CDC42BPA: variants seen among roughly 807,000 people sequenced by gnomAD.
The protein encoded by CDC42BPA is CDC42 binding protein kinase alpha, also known as serine/threonine-protein kinase MRCK alpha.
CDC42BPA carries 80 observed loss-of-function variants against 223.5 expected under a neutral mutation model. The observed-to-expected ratio is 0.36, with a 90% CI of 0.30 to 0.43. The LOEUF is 0.43. Ranked by LOEUF, CDC42BPA falls within the 20% of genes least tolerant of loss-of-function variation. CDC42BPA has a pLI of 1.00. For synonymous variants in CDC42BPA, 694 were observed against 718.6 expected (o/e 0.97, Z 0.55); for missense variants, 1,743 against 2,099.9 (o/e 0.83, Z 3.32).
intron 1 of CDC42BPA, among the ~76,000 whole-genome samples, chr1:227,257,732 C>T (rs745753333): frequency 6.7e-6 from 1 of 149,852 alleles, no homozygotes. Context: ...CCAGCCTGGG[C>T]GATTGAGTGA....
chr1:227,053,437 T>G (rs1318365476), intron 21 of CDC42BPA, among the ~76,000 whole-genome samples: 1 of 152,116 alleles, frequency 6.6e-6, no homozygotes, highest in Non-Finnish European at 1.5e-5. Flanking sequence ...TTAGGGGTCT[T>G]GGAGCAGCAA....
intron 1 of CDC42BPA, among the ~76,000 whole-genome samples, chr1:227,292,708 G>A (rs933500899): frequency 1.2e-4 from 18 of 152,084 alleles, no homozygotes; most frequent in Admixed American, 6.6e-4. Context: ...TATTTTAATT[G>A]AATTATTATT....
chr1:227,220,311 T>TATATATATATATATAC (rs1210485137), intron 2 of CDC42BPA, among the ~76,000 whole-genome samples: 16 of 49,526 alleles, frequency 3.2e-4, no homozygotes, highest in East Asian at 6.5e-4. Flanking sequence ...TATATATATA[T>TATATATATATATATAC]ACACACACAC....
At chr1:227,235,545 G>A (rs1426677595) in intron 2 of CDC42BPA, among the ~76,000 whole-genome samples, 1 of 152,108 alleles carries the variant, frequency 6.6e-6, no homozygotes, top group Non-Finnish European at 1.5e-5. Flanking sequence ...CTGAAGAACT[G>A]GACTAAACCA....
At chr1:227,126,074 T>C (rs1689529180) in intron 11 of CDC42BPA, among the ~76,000 whole-genome samples, 1 of 152,008 alleles carries the variant, frequency 6.6e-6, no homozygotes, top group Non-Finnish European at 1.5e-5. Flanking sequence ...CCTAGCAGAC[T>C]GGGATCCTGC....
intron 23 of CDC42BPA, among the ~76,000 whole-genome samples, chr1:227,045,183 T>C (rs1054368187): frequency 1.3e-5 from 2 of 152,228 alleles, no homozygotes; most frequent in Non-Finnish European, 2.9e-5. Context: ...AGCACATGGG[T>C]GATAAAAATT....
At chr1:227,172,648 T>A (rs945133095) in intron 5 of CDC42BPA, among the ~76,000 whole-genome samples, 2 of 151,890 alleles carry the variant, frequency 1.3e-5, no homozygotes, top group Non-Finnish European at 2.9e-5. Flanking sequence ...AGTCCTACCA[T>A]GAGTAGGATA....
Position 227,289,744 on chromosome 1 carries a change from T to C in CDC42BPA, c.178+27261A>G, listed in dbSNP as rs147080252. ...CTGTATCATGGCAAAAAACAACAAA[T>C]CTTAAGGGTACTTATGTTTCGGCGG... is the stretch of plus-strand genomic sequence containing the variant. On this transcript the variant is annotated intron_variant, in intron 1 of 36. Coordinates refer to ENST00000366766, the MANE Select transcript of CDC42BPA (RefSeq NM_001394014.1). Among the ~76,000 whole-genome samples, 759 of 152,212 alleles carry C rather than the reference T, an allele frequency of 5.0e-3. 5 individuals carry two copies. Among genetic ancestry groups the C allele is most frequent in the African/African-American group, 0.017 (709 of 41,528 alleles).
intron 5 of CDC42BPA, among the ~76,000 whole-genome samples, chr1:227,170,663 T>A (rs1235344232): frequency 1.3e-5 from 2 of 152,150 alleles, no homozygotes; most frequent in African/African-American, 4.8e-5. Context: ...GAACTTCATA[T>A]GCATTGAATG....
chr1:227,293,563 G>A (rs890467101), intron 1 of CDC42BPA, among the ~76,000 whole-genome samples: 1 of 150,050 alleles, frequency 6.7e-6, no homozygotes, highest in Admixed American at 6.6e-5. Flanking sequence ...AGTGGCTCAC[G>A]CCTGTAATCC....
chr1:227,004,393 C>T (rs1663574070), intron 35 of CDC42BPA: 1 of 157,566 alleles, frequency 6.3e-6, no homozygotes, highest in Non-Finnish European at 1.4e-5. Flanking sequence ...AGTCCATTCT[C>T]CACTTGGCAG....
chr1:227,107,497 T>C (rs1013378858), intron 14 of CDC42BPA, among the ~76,000 whole-genome samples: 6 of 152,190 alleles, frequency 3.9e-5, no homozygotes, highest in Non-Finnish European at 8.8e-5. Context: ...CATGGCTCAC[T>C]GAAGTCTCGA....
At position 227,292,006 on chromosome 1, in the gene CDC42BPA, G is replaced by A. The variant is rs183234699; in HGVS notation, c.178+24999C>T. On this transcript the variant is annotated intron_variant, in intron 1 of 36. Coordinates refer to ENST00000366766, the MANE Select transcript of CDC42BPA (RefSeq NM_001394014.1). ...CAGATAATTTTTTTTTTTTTCAGAC[G>A]GAGTCTCGCTCTGTTGCCCAGGCTG... Among the ~76,000 whole-genome samples, 14 of 150,678 alleles carry A rather than the reference G, an allele frequency of 9.3e-5. No individual in the cohort carries two copies. The East Asian group carries it at 1.4e-3, about 15-fold the overall frequency.
chr1:227,096,024 T>G (rs1683932305), intron 15 of CDC42BPA, among the ~76,000 whole-genome samples: 1 of 152,232 alleles, frequency 6.6e-6, no homozygotes, highest in African/African-American at 2.4e-5. Context: ...TTTATATGAT[T>G]GCTTTCTGGT....
chr1:227,151,320 C>T (rs761500709), intron 6 of CDC42BPA, among the ~76,000 whole-genome samples: 4 of 152,158 alleles, frequency 2.6e-5, no homozygotes, highest in Admixed American at 6.5e-5. Flanking sequence ...TGTTGTAGCA[C>T]GTGTCAGAAT....
intron 21 of CDC42BPA, among the ~76,000 whole-genome samples, chr1:227,056,417 T>C (rs1674573259): frequency 6.6e-6 from 1 of 151,914 alleles, no homozygotes; most frequent in Admixed American, 6.6e-5. Flanking sequence ...GACAAGGTCT[T>C]TCTCTCTTGC....
At chr1:227,192,912 G>A (rs1220067223) in intron 5 of CDC42BPA, among the ~76,000 whole-genome samples, 4 of 151,966 alleles carry the variant, frequency 2.6e-5, no homozygotes, top group Non-Finnish European at 5.9e-5. Context: ...ATGACTTATG[G>A]TCTAGAATTC....
intron 5 of CDC42BPA, among the ~76,000 whole-genome samples, chr1:227,193,444 T>C (rs1475902425): frequency 1.3e-5 from 2 of 152,076 alleles, no homozygotes; most frequent in African/African-American, 2.4e-5. Context: ...TTATGCAATA[T>C]AGTGTACCCA....
intron 34 of CDC42BPA, among the ~76,000 whole-genome samples, chr1:227,014,843 G>C (rs1165174967): frequency 6.6e-6 from 1 of 152,188 alleles, no homozygotes; most frequent in Non-Finnish European, 1.5e-5. Flanking sequence ...AGTATGCTGA[G>C]AGAACTATGG....
Sources: allele counts gnomAD v4.1 joint callset (sites outside exome capture counted in the v4.1 genomes callset), GRCh38; gene constraint gnomAD v4.1.1; transcripts MANE v1.5; gene names NCBI Gene and HGNC (gene_info 2026-07-23, HGNC 2026-07-21).